The following ALG9 variants were observed in gnomAD, a reference collection of about 807,000 sequenced individuals.
ALG9 encodes the protein alpha-1,2-mannosyltransferase ALG9.
ALG9 carries 55 observed loss-of-function variants against 81.8 expected under a neutral mutation model. The observed-to-expected ratio is 0.67, with a 90% CI of 0.54 to 0.84. The LOEUF (loss-of-function observed/expected upper bound fraction) is 0.84, where lower values mean the gene tolerates loss of function less well. ALG9 is among the 40% of genes least tolerant of loss of function. ALG9 has a pLI of 0.00. For synonymous variants in ALG9, 278 were observed against 274.3 expected, an observed-to-expected ratio of 1.01 and a Z score of -0.13; for missense variants, 629 against 745.0, an observed-to-expected ratio of 0.84 and a Z score of 1.81.
chr11:111,792,835 T>G (rs1402619383), intron 14 of ALG9, among the ~76,000 whole-genome samples: 1 of 152,248 alleles, frequency 6.6e-6, no homozygotes, highest in Non-Finnish European at 1.5e-5. Context: ...CCTTTTCTCC[T>G]GCAGATTCTG....
intron 13 of ALG9, among the ~76,000 whole-genome samples, chr11:111,831,474 G>C (rs533114585): frequency 5.3e-5 from 8 of 152,216 alleles, no homozygotes; most frequent in Middle Eastern, 3.4e-3. Context: ...CTCCAGCCTG[G>C]GTGACAGAGT....
At chr11:111,867,424 T>TA (rs1483029640) in intron 3 of ALG9, among the ~76,000 whole-genome samples, 1 of 152,110 alleles carries the variant, frequency 6.6e-6, no homozygotes, top group Admixed American at 6.5e-5. Context: ...GCGGGCTTTG[T>TA]AAAAATATTT....
rs781788895 is a variant in ALG9, at chr11:111,838,292, C to T, written c.1281G>A (p.Leu427=). 1 of 1,614,168 alleles carries T rather than the reference C, an allele frequency of 6.2e-7. No individual in the cohort carries two copies. Among genetic ancestry groups the T allele is most frequent in the Non-Finnish European group, 8.5e-7 (1 of 1,180,016 alleles). The part of the protein sequence containing the change: ...SNWLALGTVF[L]FGLLSFSRSV... Reference sequence around the variant, plus strand: ...AGCGAGAAAATGACAAGAGCCCAAACAGGAAGACAGTTCCTAATGCCAGCC... The same window carrying T: ...AGCGAGAAAATGACAAGAGCCCAAATAGGAAGACAGTTCCTAATGCCAGCC... The change falls in exon 11 of 15, where the codon CTG becomes CTA. Residue 427 remains leucine (L), a synonymous_variant. Coordinates refer to ENST00000616540, the MANE Select transcript of ALG9 (RefSeq NM_024740.2).
At chr11:111,772,178 C>T in the ALG9 span, among the ~76,000 whole-genome samples, 1 of 152,232 alleles carries the variant, frequency 6.6e-6, no homozygotes, top group Non-Finnish European at 1.5e-5. Flanking sequence ...GTAATCCCAG[C>T]ACTTTGGGAA....
At chr11:111,861,430 G>A (rs1960073680) in intron 4 of ALG9, among the ~76,000 whole-genome samples, 1 of 151,928 alleles carries the variant, frequency 6.6e-6, no homozygotes, top group African/African-American at 2.4e-5. Flanking sequence ...GATAAATTCC[G>A]TTTTTTTGGT....
chr11:111,793,716 G>A (rs975738494), intron 14 of ALG9, among the ~76,000 whole-genome samples: 3 of 149,364 alleles, frequency 2.0e-5, no homozygotes, highest in Non-Finnish European at 4.4e-5. Context: ...AGCCGAGATC[G>A]CGCCACTGCA....
At chr11:111,857,161 G>C (rs147393355) in intron 6 of ALG9, among the ~76,000 whole-genome samples, 1 of 152,276 alleles carries the variant, frequency 6.6e-6, no homozygotes, top group African/African-American at 2.4e-5. Context: ...AGGAAACTCA[G>C]ATTTCAAATC....
At chr11:111,860,355 A>G (rs1555146782) in intron 5 of ALG9, among the ~76,000 whole-genome samples, 192 bp downstream of exon 5, 1 of 152,244 alleles carries the variant, frequency 6.6e-6, no homozygotes, top group Non-Finnish European at 1.5e-5. Flanking sequence ...GGATTGTTAC[A>G]AAGGTCAATC....
At chr11:111,866,016 C>T (rs1375672962) in intron 3 of ALG9, among the ~76,000 whole-genome samples, 6 of 152,104 alleles carry the variant, frequency 3.9e-5, no homozygotes, top group East Asian at 3.9e-4. Context: ...TATAACTGGC[C>T]GGGCATGGTG....
chr11:111,803,658 T>C (rs1204467510), intron 14 of ALG9, among the ~76,000 whole-genome samples: 3 of 151,884 alleles, frequency 2.0e-5, no homozygotes, highest in Admixed American at 2.0e-4. Flanking sequence ...TAGATCCACA[T>C]AAATACAGTT....
At chr11:111,871,038 G>A in intron 1 of ALG9, 1 of 1,092,948 alleles carries the variant, frequency 9.1e-7, no homozygotes, top group South Asian at 4.2e-5. Flanking sequence ...GTGAGGAACA[G>A]CCGTAAAAGG....
At chr11:111,851,142 C>T (rs1555137721) in intron 8 of ALG9, among the ~76,000 whole-genome samples, 1 of 152,090 alleles carries the variant, frequency 6.6e-6, no homozygotes, top group Non-Finnish European at 1.5e-5. Flanking sequence ...AGAATTTATT[C>T]CTTCTTTCCT....
At chr11:111,780,617 G>A (rs1230065319), downstream of ALG9, among the ~76,000 whole-genome samples, 3 of 151,894 alleles carry the variant, frequency 2.0e-5, no homozygotes, top group Admixed American at 6.6e-5. Context: ...GGCTGGTCTC[G>A]AACTCTTGAC....
the ALG9 span, among the ~76,000 whole-genome samples, chr11:111,770,082 T>G: frequency 6.6e-6 from 1 of 152,118 alleles, no homozygotes; most frequent in African/African-American, 2.4e-5. Context: ...ATGGAGATGC[T>G]AATAAATCCT....
chr11:111,871,216 G>C, intron 1 of ALG9, 136 bp downstream of exon 1: 1 of 1,312,652 alleles, frequency 7.6e-7, no homozygotes, highest in Non-Finnish European at 9.6e-7. Context: ...ATAGGACCTA[G>C]CTGAAGAGGG....
At chr11:111,805,320 G>A (rs1260839954) in intron 14 of ALG9, 1 of 456,084 alleles carries the variant, frequency 2.2e-6, no homozygotes, top group Non-Finnish European at 4.4e-6. Context: ...TCAAAACTGT[G>A]AGAAGTAAAC....
At chr11:111,807,784 C>T (rs1418345894) in intron 14 of ALG9, among the ~76,000 whole-genome samples, 1 of 152,126 alleles carries the variant, frequency 6.6e-6, no homozygotes, top group African/African-American at 2.4e-5. Context: ...GAGCGAGACC[C>T]CGTCTCAAAA....
intron 3 of ALG9, 114 bp from the exon 4 acceptor site, chr11:111,865,365 T>C (rs1189153336): frequency 8.8e-6 from 7 of 795,288 alleles, no homozygotes; most frequent in Non-Finnish European, 1.2e-5. Context: ...TATAATTCTT[T>C]TGAAAAGCAA....
rs143428029 is a variant in ALG9 at position 111,867,503 on chromosome 11, G to GAT, written c.405+1097_405+1098dup. Among the ~76,000 whole-genome samples, 1,011 of 152,156 alleles carry GAT rather than the reference G, an allele frequency of 6.6e-3. 6 individuals are homozygous for GAT. The highest frequency in any genetic ancestry group is 0.051 in the Middle Eastern group (15 of 294). On this transcript the variant is annotated intron_variant, in intron 3 of 14. Transcript: ENST00000616540. ...AAGGTCTCAGTAAAAAAAATTAGAA[G>GAT]ATATAAAGAAAAACTGAATGGAAAT...
Sources: gnomAD v4.1 joint callset for allele counts (sites outside exome capture counted in the v4.1 genomes callset) on GRCh38, gnomAD v4.1.1 for gene constraint, MANE v1.5 for transcripts, NCBI Gene and HGNC (gene_info 2026-07-23, HGNC 2026-07-21) for gene names.